The following CYP3A4 variants were observed in gnomAD, a reference collection of about 807,000 sequenced individuals.
CYP3A4 encodes cytochrome P450 3A4.
CYP3A4 carries 41 observed loss-of-function variants against 54.9 expected under a neutral mutation model. The ratio of observed to expected loss-of-function variants is 0.75; its 90% CI spans 0.58 to 0.97. The LOEUF is 0.97. Ranked by LOEUF, CYP3A4 falls within the 50% of genes least tolerant of loss-of-function variation. The pLI is 0.00. For missense variants in CYP3A4, 510 were observed against 597.3 expected (o/e 0.85, Z 1.52); for synonymous variants, 179 against 205.2 (o/e 0.87, Z 1.09).
chr7:99,763,300 C>A (rs1815386447), intron 10 of CYP3A4, among the ~76,000 whole-genome samples: 1 of 152,106 alleles, frequency 6.6e-6, no homozygotes, highest in African/African-American at 2.4e-5. Flanking sequence ...TTAGCATAAC[C>A]GTGTACTGGT....
intron 9 of CYP3A4, among the ~76,000 whole-genome samples, chr7:99,765,791 G>A (rs371783187): frequency 3.9e-5 from 6 of 152,056 alleles, no homozygotes; most frequent in South Asian, 2.1e-4. Context: ...ATATTTACAC[G>A]GTCTCAGAGG....
At chr7:99,759,062 G>T (rs35073169) in intron 12 of CYP3A4, among the ~76,000 whole-genome samples, 2,896 of 152,264 alleles carry the variant, frequency 0.019, 75 homozygotes, top group African/African-American at 0.066. Flanking sequence ...CCCATCCCAG[G>T]TGTGCCAGAG....
intron 1 of CYP3A4, among the ~76,000 whole-genome samples, chr7:99,781,136 G>A (rs527624982): frequency 2.2e-4 from 33 of 152,216 alleles, no homozygotes; most frequent in Non-Finnish European, 4.4e-4. Context: ...GTTTGAATGT[G>A]TGGCACCTTC....
At chr7:99,766,711 C>T (rs549721422) in intron 8 of CYP3A4, 13 of 478,432 alleles carry the variant, frequency 2.7e-5, no homozygotes, top group Non-Finnish European at 2.2e-5. Context: ...TAGGGACTTT[C>T]ATTTGAGAAT....
At chr7:99,758,267 A>G (rs1815232133) in intron 12 of CYP3A4, 39 bp from the exon 13 acceptor site, 1 of 1,599,900 alleles carries the variant, frequency 6.3e-7, no homozygotes. Flanking sequence ...AGCATTAAAT[A>G]AACAAAAGTA....
At chr7:99,765,377 A>G (rs575889054) in intron 9 of CYP3A4, among the ~76,000 whole-genome samples, 1 of 152,282 alleles carries the variant, frequency 6.6e-6, no homozygotes, top group Admixed American at 6.5e-5. Flanking sequence ...AGCAAGTTAT[A>G]TTGGGATAGA....
chr7:99,766,963 C>T (rs566406473), intron 8 of CYP3A4, 168 bp downstream of exon 8: 1 of 571,860 alleles, frequency 1.7e-6, no homozygotes, highest in Non-Finnish European at 2.9e-6. Flanking sequence ...TTCCCCAAAC[C>T]CCACTTTCTG....
At chr7:99,781,792 C>T (rs935661465) in intron 1 of CYP3A4, among the ~76,000 whole-genome samples, 1 of 152,178 alleles carries the variant, frequency 6.6e-6, no homozygotes, top group East Asian at 1.9e-4. Context: ...CTGTTTATAA[C>T]AAAAGATGTA....
rs762004846 is a variant in CYP3A4 at position 99,760,977 on chromosome 7, T to C, written c.1258A>G (p.Ser420Gly). Reference sequence around the variant, plus strand: ...TCTATGTTGTCCTTGTTCTTCTTGCTGAATCTGGTTCCACGTTGGTAGATT... The same window carrying C: ...TCTATGTTGTCCTTGTTCTTCTTGCCGAATCTGGTTCCACGTTGGTAGATT... ...EPEKFLPERF[S>G]KKNKDNIDPY... Residue 420 changes from serine to glycine, a missense_variant, in exon 12 of 13, where the codon AGC becomes GGC. By Grantham distance (56) the Ser-to-Gly change is moderately conservative. Transcript: ENST00000651514. The C allele has an allele frequency of 1.9e-6, 3 of 1,613,040 alleles. No individual in the cohort carries two copies. Among genetic ancestry groups the C allele is most frequent in the Non-Finnish European group, 2.5e-6 (3 of 1,179,666 alleles).
intron 6 of CYP3A4, 91 bp downstream of exon 6, chr7:99,769,677 G>T: frequency 6.6e-7 from 1 of 1,511,212 alleles, no homozygotes; most frequent in East Asian, 2.3e-5. Context: ...CTGGTCACTG[G>T]AATAACCCAA....
intron 3 of CYP3A4, among the ~76,000 whole-genome samples, chr7:99,772,998 C>T (rs1815672087): frequency 6.6e-6 from 1 of 151,964 alleles, no homozygotes. Flanking sequence ...GTGGTGCATA[C>T]GTGGATATTT....
At chr7:99,770,533 G>A (rs1815606473) in intron 4 of CYP3A4, among the ~76,000 whole-genome samples, 2 of 152,162 alleles carry the variant, frequency 1.3e-5, no homozygotes, top group South Asian at 4.1e-4. Context: ...TAGAGAATGT[G>A]TTCTTCCAGT....
intron 6 of CYP3A4, 133 bp downstream of exon 6, chr7:99,769,635 T>C (rs1815574549): frequency 2.4e-6 from 2 of 828,190 alleles, no homozygotes; most frequent in East Asian, 2.6e-5. Context: ...GGGAGACCCA[T>C]TGAAGTTGCA....
chr7:99,780,308 C>T (rs1815887727), intron 1 of CYP3A4, among the ~76,000 whole-genome samples: 3 of 152,184 alleles, frequency 2.0e-5, no homozygotes, highest in Admixed American at 6.5e-5. Flanking sequence ...CTCAAAGCAG[C>T]TGAAGTCTTC....
chr7:99,761,435 T>C (rs191940804), intron 11 of CYP3A4, among the ~76,000 whole-genome samples: 1 of 152,260 alleles, frequency 6.6e-6, no homozygotes, highest in East Asian at 1.9e-4. Context: ...CCTCTCTTGT[T>C]TTTCTAATTC....
intron 2 of CYP3A4, among the ~76,000 whole-genome samples, chr7:99,779,338 GC>G (rs1815855195): frequency 6.6e-6 from 1 of 152,068 alleles, no homozygotes; most frequent in Non-Finnish European, 1.5e-5. Flanking sequence ...CCCATAAGGT[GC>G]AGCCTTTGAA....
chr7:99,783,979 A>G (rs752303588), intron 1 of CYP3A4, 32 bp downstream of exon 1: 1 of 1,607,132 alleles, frequency 6.2e-7, no homozygotes, highest in Admixed American at 1.7e-5. Context: ...AGTCCAAGGA[A>G]ACAGAGAAGA....
At chr7:99,758,299 G>C (rs1815233336) in intron 12 of CYP3A4, 71 bp from the exon 13 acceptor site, 1 of 1,524,472 alleles carries the variant, frequency 6.6e-7, no homozygotes, top group Non-Finnish European at 9.1e-7. Flanking sequence ...ATCAAAGTGA[G>C]TGAGACACTC....
chr7:99,767,044 A>G (rs1054217767), intron 8 of CYP3A4, 87 bp downstream of exon 8: 2 of 1,252,770 alleles, frequency 1.6e-6, no homozygotes, highest in African/African-American at 1.5e-5. Flanking sequence ...CTTTAAAAAC[A>G]TACAGGTAAC....
Sources: gnomAD v4.1 joint callset for allele counts (sites outside exome capture counted in the v4.1 genomes callset) on GRCh38, gnomAD v4.1.1 for gene constraint, MANE v1.5 for transcripts, NCBI Gene and HGNC (gene_info 2026-07-23, HGNC 2026-07-21) for gene names.